RIMS3: variants seen among roughly 807,000 people sequenced by gnomAD.
The protein encoded by RIMS3 is regulating synaptic membrane exocytosis 3, also known as regulating synaptic membrane exocytosis protein 3.
A neutral mutation model predicts 29.2 loss-of-function variants in RIMS3; 15 were observed. The observed-to-expected ratio is 0.51, with a 90% CI of 0.34 to 0.79. RIMS3 has a LOEUF of 0.79. Among genes scored for constraint, RIMS3 ranks in the 30% least tolerant of loss-of-function variants. The pLI, the probability that RIMS3 is intolerant of heterozygous loss-of-function variation, is 0.01. For missense variants in RIMS3, 342 were observed against 421.4 expected (o/e 0.81, Z 1.65); for synonymous variants, 161 against 170.1 (o/e 0.95, Z 0.41).
chr1:40,677,210 G>A, the RIMS3 span, among the ~76,000 whole-genome samples: 1 of 151,286 alleles, frequency 6.6e-6, no homozygotes, highest in African/African-American at 2.4e-5. Context: ...TCACCATGTT[G>A]GCCAGGCTGG....
At chr1:40,644,543 T>C (rs1333100157) in intron 2 of RIMS3, among the ~76,000 whole-genome samples, 1 of 152,148 alleles carries the variant, frequency 6.6e-6, no homozygotes, top group Non-Finnish European at 1.5e-5. Flanking sequence ...AAAGATTTAA[T>C]GATGGTTACA....
intron 2 of RIMS3, among the ~76,000 whole-genome samples, 160 bp from the exon 3 acceptor site, chr1:40,642,116 TG>T (rs1482993834): frequency 6.6e-6 from 1 of 152,242 alleles, no homozygotes; most frequent in African/African-American, 2.4e-5. Flanking sequence ...GCACAGGTTC[TG>T]GCTCAATAAA....
chr1:40,642,970 A>C (rs1486248365), intron 2 of RIMS3, among the ~76,000 whole-genome samples: 1 of 144,070 alleles, frequency 6.9e-6, no homozygotes, highest in Non-Finnish European at 1.5e-5. Flanking sequence ...AAAAAAAAAA[A>C]TATTATATCA....
chr1:40,661,808 C>G (rs1642355633), intron 1 of RIMS3, among the ~76,000 whole-genome samples: 1 of 152,350 alleles, frequency 6.6e-6, no homozygotes, highest in Non-Finnish European at 1.5e-5. Context: ...GATGTGGGCA[C>G]AGAGCAGCCT....
upstream of RIMS3, among the ~76,000 whole-genome samples, chr1:40,670,572 TTTTA>T (rs1226650416): frequency 5.0e-5 from 2 of 40,158 alleles, no homozygotes; most frequent in Admixed American, 3.9e-4. Context: ...TTAGTTATAA[TTTTA>T]TATATATATA....
chr1:40,690,471 A>T, the RIMS3 span: 1 of 152,090 alleles, frequency 6.6e-6, no homozygotes, highest in Non-Finnish European at 1.5e-5. Context: ...TTTGCAATTT[A>T]CGAAGCACTC....
At chr1:40,653,273 A>T (rs184706816) in intron 1 of RIMS3, among the ~76,000 whole-genome samples, 2 of 152,282 alleles carry the variant, frequency 1.3e-5, no homozygotes, top group East Asian at 3.9e-4. Context: ...GTGAGGAAAG[A>T]TTGAGAGGTA....
Position 40,626,435 on chromosome 1 carries a change from C to A in RIMS3, c.*82G>T. ...CAGCAGGACAAGGGGTCCAGAAAGA[C>A]ACGAAGACTATGTACAGGGGAGGAC... On this transcript the variant is annotated 3_prime_UTR_variant, in exon 8 of 8. Transcript: ENST00000372684. 5.4e-6 allele frequency: 7 copies of A among 1,289,244 alleles called. No individual in the cohort carries two copies. Among genetic ancestry groups the A allele is most frequent in the Non-Finnish European group, 7.7e-6 (7 of 912,248 alleles). The allele number at this position is 1,289,244 out of a possible 1,614,324, so 79.9% of individuals were successfully genotyped here.
the RIMS3 span, among the ~76,000 whole-genome samples, chr1:40,678,147 C>T: frequency 6.6e-6 from 1 of 152,238 alleles, no homozygotes; most frequent in African/African-American, 2.4e-5. Context: ...GTGGCTTATG[C>T]CTGTAATCCC....
the RIMS3 span, among the ~76,000 whole-genome samples, chr1:40,678,135 C>T: frequency 6.6e-6 from 1 of 152,172 alleles, no homozygotes; most frequent in Non-Finnish European, 1.5e-5. Context: ...GGGCCAGGTG[C>T]GGTGGCTTAT....
the RIMS3 span, among the ~76,000 whole-genome samples, chr1:40,672,685 A>G: frequency 6.6e-6 from 1 of 152,146 alleles, no homozygotes; most frequent in East Asian, 1.9e-4. Context: ...CACATGCTCT[A>G]TTGGGGGTGG....
chr1:40,691,682 G>A, the RIMS3 span: 1 of 450,398 alleles, frequency 2.2e-6, no homozygotes, highest in Admixed American at 2.4e-5. Context: ...CAAGGGAGGG[G>A]GAAGGGAAAA....
intron 6 of RIMS3, 88 bp from the exon 7 acceptor site, chr1:40,629,037 G>T: frequency 1.3e-6 from 2 of 1,541,588 alleles, no homozygotes; most frequent in South Asian, 1.1e-5. Flanking sequence ...TGATCTTGGA[G>T]GTGAGCAGGA....
At position 40,635,794 on chromosome 1, in the gene RIMS3, C is replaced by T; in HGVS notation, c.359+122G>A. ...GGAGGGGTATGAAGGAAGGCAGAGA[C>T]ACAGAGGACCCAGACATTTTAGCTG... is the stretch of plus-strand genomic sequence containing the variant. On this transcript the variant is annotated intron_variant, in intron 4 of 7. Transcript: ENST00000372684. This position sits in a 1 kb window ranked among gnomAD's most constrained non-coding sequence, Gnocchi z 4.1. 2 of 1,317,400 alleles carry T rather than the reference C, an allele frequency of 1.5e-6. No individual in the cohort carries two copies. The highest frequency in any genetic ancestry group is 3.8e-5 in the Admixed American group (2 of 53,256). The allele number at this position is 1,317,400 out of a possible 1,614,324, so 81.6% of individuals were successfully genotyped here.
upstream of RIMS3, among the ~76,000 whole-genome samples, chr1:40,670,574 T>TTATATATATA (rs553412097): frequency 0.024 from 1,672 of 71,048 alleles, 89 homozygotes; most frequent in East Asian, 0.049. Context: ...AGTTATAATT[T>TTATATATATA]TATATATATA....
chr1:40,690,216 G>A, the RIMS3 span, among the ~76,000 whole-genome samples: 1 of 152,136 alleles, frequency 6.6e-6, no homozygotes, highest in Admixed American at 6.5e-5. Context: ...CATAGTATAT[G>A]CAATAAGTAC....
upstream of RIMS3, among the ~76,000 whole-genome samples, chr1:40,669,959 T>G (rs553557260): frequency 6.6e-6 from 1 of 152,108 alleles, no homozygotes; most frequent in Non-Finnish European, 1.5e-5. Context: ...CCATCCAGTT[T>G]GCTTCCTAAA....
intron 1 of RIMS3, among the ~76,000 whole-genome samples, chr1:40,660,062 A>G (rs1642329317): frequency 6.6e-6 from 1 of 152,162 alleles, no homozygotes; most frequent in Admixed American, 6.5e-5. Flanking sequence ...GTGAGAGCCA[A>G]TGGTGGCCTG....
chr1:40,650,755 A>G (rs1306420899), intron 1 of RIMS3, among the ~76,000 whole-genome samples: 1 of 148,744 alleles, frequency 6.7e-6, no homozygotes, highest in Non-Finnish European at 1.5e-5. Flanking sequence ...AGTCCCAGCT[A>G]CTCGGGAGGC....
Sources: gnomAD v4.1 joint callset for allele counts (sites outside exome capture counted in the v4.1 genomes callset) on GRCh38, gnomAD v4.1.1 for gene constraint, Gnocchi (gnomAD v3.1) non-coding constraint, MANE v1.5 for transcripts, NCBI Gene and HGNC (gene_info 2026-07-23, HGNC 2026-07-21) for gene names.